Variants in STYX observed in about 807,000 individuals in gnomAD.
The protein encoded by STYX is serine/threonine/tyrosine-interacting protein.
A neutral mutation model predicts 42.7 loss-of-function variants in STYX; 20 were observed. The observed-to-expected ratio is 0.47, with a 90% CI of 0.33 to 0.68. STYX has a LOEUF of 0.68. Ranked by LOEUF, STYX falls within the 30% of genes least tolerant of loss-of-function variation. The pLI, the probability that STYX is intolerant of heterozygous loss-of-function variation, is 0.02. For synonymous variants in STYX, 78 were observed against 81.9 expected, an observed-to-expected ratio of 0.95 and a Z score of 0.26; for missense variants, 226 against 268.5, an observed-to-expected ratio of 0.84 and a Z score of 1.11.
intron 1 of STYX, among the ~76,000 whole-genome samples, chr14:52,734,464 T>G (rs1218921496): frequency 6.6e-6 from 1 of 152,174 alleles, no homozygotes; most frequent in African/African-American, 2.4e-5. Flanking sequence ...GTCTTTCTGG[T>G]GACTGGCCCC....
intron 9 of STYX, 25 bp from the exon 10 acceptor site, chr14:52,768,810 ATTAAG>A (rs779000536): frequency 1.6e-5 from 23 of 1,467,204 alleles, no homozygotes; most frequent in South Asian, 1.6e-4. Context: ...TAAATATATA[ATTAAG>A]TTAATTAACT....
In STYX at chr14:52,771,163, A is replaced by G; in HGVS notation, c.*57A>G. 1 of 1,471,434 alleles carries G rather than the reference A, an allele frequency of 6.8e-7. No homozygotes were observed. The highest frequency in any genetic ancestry group is 1.9e-5 in the Admixed American group (1 of 51,738). The allele number at this position is 1,471,434 out of a possible 1,614,324, so 91.1% of individuals were successfully genotyped here. ...CTATTTGGGAAGGAGAAAATACAAG[A>G]GAAAATTATAATGTAAAATGGTAAA... On this transcript the variant is annotated 3_prime_UTR_variant, in exon 11 of 11. Transcript: ENST00000354586.
intron 9 of STYX, among the ~76,000 whole-genome samples, chr14:52,767,216 G>A (rs148762961): frequency 1.2e-4 from 19 of 152,286 alleles, no homozygotes; most frequent in Non-Finnish European, 2.4e-4. Flanking sequence ...AGTGGTTTGA[G>A]GTGGGAGCAT....
intron 10 of STYX, among the ~76,000 whole-genome samples, chr14:52,769,831 T>A (rs1882446317): frequency 2.6e-5 from 4 of 152,126 alleles, no homozygotes; most frequent in African/African-American, 9.6e-5. Flanking sequence ...TGGCCAGACT[T>A]ATTCCCATGA....
At chr14:52,744,167 T>C (rs1566671534) in intron 1 of STYX, among the ~76,000 whole-genome samples, 2 of 152,364 alleles carry the variant, frequency 1.3e-5, no homozygotes, top group East Asian at 3.8e-4. Context: ...CTATACTTTT[T>C]TTCTAAGTTT....
At chr14:52,769,677 A>G (rs1042484847) in intron 10 of STYX, among the ~76,000 whole-genome samples, 4 of 152,060 alleles carry the variant, frequency 2.6e-5, no homozygotes, top group Admixed American at 6.6e-5. Context: ...ACATCTGTCT[A>G]ATAATTGCTC....
chr14:52,758,105 T>C (rs1881947354), intron 8 of STYX, among the ~76,000 whole-genome samples, 181 bp downstream of exon 8: 2 of 152,224 alleles, frequency 1.3e-5, no homozygotes, highest in Non-Finnish European at 2.9e-5. Context: ...TGTATAGATA[T>C]GCATAGGCTA....
intron 9 of STYX, among the ~76,000 whole-genome samples, chr14:52,767,129 A>G (rs1159736894): frequency 3.9e-5 from 6 of 152,198 alleles, no homozygotes; most frequent in African/African-American, 1.4e-4. Flanking sequence ...GGGCTTACTG[A>G]AAAGTGATAT....
chr14:52,757,969 A>C, intron 8 of STYX, 45 bp downstream of exon 8: 1 of 1,587,466 alleles, frequency 6.3e-7, no homozygotes, highest in Non-Finnish European at 8.6e-7. Context: ...AATTCTCATT[A>C]AAATGAAACT....
intron 1 of STYX, among the ~76,000 whole-genome samples, chr14:52,734,270 G>A (rs1880857632): frequency 1.3e-5 from 2 of 152,118 alleles, no homozygotes; most frequent in Admixed American, 6.6e-5. Flanking sequence ...TGGGAAGTCG[G>A]GGTGAAACAG....
Position 52,774,315 on chromosome 14 carries a change from A to G in STYX, c.*3209A>G, listed in dbSNP as rs1882634170. 1 of 152,136 alleles carries G rather than the reference A, an allele frequency of 6.6e-6. No homozygotes were observed. The highest frequency in any genetic ancestry group is 1.5e-5 in the Non-Finnish European group (1 of 68,006). 9.4% of individuals were successfully genotyped at this position (152,136 alleles called of 1,614,324 possible). ...AGTGAATTAGAAATATTTAACTGCA[A>G]TCTTGAATTATAAAGTTGAGATATA... On this transcript the variant is annotated 3_prime_UTR_variant, in exon 11 of 11. Transcript: ENST00000354586.
At chr14:52,748,451 G>A (rs879713124) in intron 3 of STYX, among the ~76,000 whole-genome samples, 1 of 152,170 alleles carries the variant, frequency 6.6e-6, no homozygotes, top group African/African-American at 2.4e-5. Flanking sequence ...ATTTACTTAA[G>A]TATATCTTTT....
In STYX at chr14:52,757,826, A is replaced by G. The variant is rs535538995; in HGVS notation, c.380+44A>G. The stretch of plus-strand genomic sequence containing the variant: ...TCTTTCTTTCTATAACATTTAATTA[A>G]TGGGCTGTATTTTCTGGTTGTTTTT... On this transcript the variant is annotated intron_variant, in intron 7 of 10. Transcript: ENST00000354586. 7.0e-5 allele frequency: 113 copies of G among 1,612,564 alleles called. 3 individuals are homozygous for G. In the South Asian group the frequency reaches 1.1e-3, roughly 16 times the overall value.
At chr14:52,733,546 A>C (rs187332565) in intron 1 of STYX, among the ~76,000 whole-genome samples, 1 of 152,174 alleles carries the variant, frequency 6.6e-6, no homozygotes, top group Non-Finnish European at 1.5e-5. Flanking sequence ...TACACTCCTG[A>C]CTGACTGTAA....
rs1185008631 is a variant in STYX at position 52,730,211 on chromosome 14, G to A, written c.-264G>A. 2 of 543,444 alleles carry A rather than the reference G, an allele frequency of 3.7e-6. No individual in the cohort carries two copies. Among genetic ancestry groups the A allele is most frequent in the African/African-American group, 2.0e-5 (1 of 50,942 alleles). The allele number at this position is 543,444 out of a possible 1,614,324, so 33.7% of individuals were successfully genotyped here. On this transcript the variant is annotated 5_prime_UTR_variant, in exon 1 of 11. Coordinates refer to ENST00000354586, the MANE Select transcript of STYX (RefSeq NM_145251.4). ...TGCTGGATCCTGGGCGGCCTGAGGGGTACGGAGACTCTGGGGGAGGGAGAC... is the reference window on the plus strand; with the variant it reads ...TGCTGGATCCTGGGCGGCCTGAGGGATACGGAGACTCTGGGGGAGGGAGAC...
At chr14:52,731,234 A>ACTAAATTAGAATTTTCTGGAGG (rs1199617968) in intron 1 of STYX, among the ~76,000 whole-genome samples, 8 of 152,206 alleles carry the variant, frequency 5.3e-5, no homozygotes, top group Non-Finnish European at 1.0e-4. Flanking sequence ...ATTGCAGACT[A>ACTAAATTAGAATTTTCTGGAGG]CTAAATTAGA....
intron 1 of STYX, among the ~76,000 whole-genome samples, chr14:52,742,102 T>C (rs1212112315): frequency 6.6e-6 from 1 of 152,170 alleles, no homozygotes; most frequent in Non-Finnish European, 1.5e-5. Flanking sequence ...TCACTTGGCC[T>C]CACAAAAGTA....
rs748090940 is a variant in STYX, at chr14:52,746,410, AT to A, written c.91-5del. On this transcript the variant is annotated splice_polypyrimidine_tract_variant and intron_variant, in intron 2 of 10. Coordinates refer to ENST00000354586, the MANE Select transcript of STYX (RefSeq NM_145251.4). ...AAATTGCTGATGGTAAATACCTCAAATTTTTTTTTTTCTAGGAAATTTTACC... is the reference window on the plus strand; with the variant it reads ...AAATTGCTGATGGTAAATACCTCAAATTTTTTTTTTCTAGGAAATTTTACC... 4,730 of 1,166,840 alleles carry A rather than the reference AT, an allele frequency of 4.1e-3. 1 individual carries two copies. Among genetic ancestry groups the A allele is most frequent in the South Asian group, 7.8e-3 (464 of 59,650 alleles). The allele number at this position is 1,166,840 out of a possible 1,614,324, so 72.3% of individuals were successfully genotyped here. A position where few individuals can be genotyped will look rare whatever the true frequency, so the allele number is the denominator to read the frequency against.
intron 3 of STYX, 130 bp downstream of exon 3, chr14:52,746,609 T>G: frequency 1.4e-6 from 1 of 698,366 alleles, no homozygotes; most frequent in South Asian, 2.0e-5. Context: ...TAATTGTCAC[T>G]CTGGAGTACC....
Sources: allele counts gnomAD v4.1 joint callset (sites outside exome capture counted in the v4.1 genomes callset), GRCh38; gene constraint gnomAD v4.1.1; transcripts MANE v1.5; gene names NCBI Gene and HGNC (gene_info 2026-07-23, HGNC 2026-07-21).